ERBIN: variants seen among roughly 807,000 people sequenced by gnomAD.
ERBIN encodes the protein densin-180-like protein.
A neutral mutation model predicts 158.4 loss-of-function variants in ERBIN; 60 were observed. That is an observed-to-expected ratio of 0.38 (90% CI 0.31 to 0.47). The LOEUF (loss-of-function observed/expected upper bound fraction) is 0.47, where lower values mean the gene tolerates loss of function less well. Among genes scored for constraint, ERBIN ranks in the 20% least tolerant of loss-of-function variants. The probability of loss-of-function intolerance (pLI) is 0.99; values close to 1 mark genes in which losing one functional copy is unlikely to be tolerated. For synonymous variants in ERBIN, 594 were observed against 557.2 expected, an observed-to-expected ratio of 1.07 and a Z score of -0.93; for missense variants, 1,610 against 1,648.0, an observed-to-expected ratio of 0.98 and a Z score of 0.40.
At position 65,960,963 on chromosome 5, in the gene ERBIN, T is replaced by C. The variant is rs74976722; in HGVS notation, c.-57-27672T>C. On this transcript the variant is annotated intron_variant, in intron 1 of 25. Coordinates refer to ENST00000284037, the MANE Select transcript of ERBIN (RefSeq NM_001253697.2). ...ATTCATTTTGACAACGAAAATGTTA[T>C]CATGTATTTTCAAAATGACTCTTTT... Among the ~76,000 whole-genome samples the C allele has an allele frequency of 6.7e-3, 1,028 of 152,330 alleles. 17 individuals are homozygous for C. The highest frequency in any genetic ancestry group is 0.023 in the African/African-American group (957 of 41,574).
At chr5:65,952,956 CA>C (rs911336497) in intron 1 of ERBIN, among the ~76,000 whole-genome samples, 2 of 151,438 alleles carry the variant, frequency 1.3e-5, no homozygotes, top group East Asian at 1.9e-4. Context: ...AAGAACTTGC[CA>C]AAAAAAAAGT....
At chr5:65,971,797 A>G (rs991257202) in intron 1 of ERBIN, among the ~76,000 whole-genome samples, 6 of 152,168 alleles carry the variant, frequency 3.9e-5, no homozygotes, top group Admixed American at 3.9e-4. Context: ...TCCCACTTAC[A>G]TATCCTGGGG....
intron 4 of ERBIN, among the ~76,000 whole-genome samples, chr5:66,007,145 T>C (rs1344791651): frequency 6.6e-6 from 1 of 152,168 alleles, no homozygotes; most frequent in East Asian, 1.9e-4. Flanking sequence ...AACGCAAATG[T>C]CCAACAATGA....
intron 21 of ERBIN, among the ~76,000 whole-genome samples, chr5:66,067,636 C>T (rs1161070593): frequency 6.6e-6 from 1 of 152,168 alleles, no homozygotes; most frequent in African/African-American, 2.4e-5. Context: ...CAAATTTAAG[C>T]AGCAAAGGCC....
intron 1 of ERBIN, among the ~76,000 whole-genome samples, chr5:65,934,050 C>T (rs1743775237): frequency 6.6e-6 from 1 of 152,110 alleles, no homozygotes; most frequent in Admixed American, 6.5e-5. Context: ...ACGCCCGCCA[C>T]CACGCCTGGC....
Position 66,046,424 on chromosome 5 carries a change from A to G in ERBIN, c.1674A>G (p.Val558=), listed in dbSNP as rs569933160. The G allele has an allele frequency of 7.6e-5, 122 of 1,612,160 alleles. 2 individuals are homozygous for G. In the South Asian group the frequency reaches 1.3e-3, roughly 17 times the overall value. Residue 558 remains valine, a synonymous_variant, in exon 18 of 26, where the codon GTA becomes GTG. Transcript: ENST00000284037. ...AAAAATATATGATAGGAAACTCTGTACAGAAGATCAGTGAACCTGAAGCTG... is the reference window on the plus strand; with the variant it reads ...AAAAATATATGATAGGAAACTCTGTGCAGAAGATCAGTGAACCTGAAGCTG... ...EREKYMIGNS[V]QKISEPEAEI... is the part of the protein sequence containing the mutation.
chr5:66,043,701 T>A (rs1443080174), intron 16 of ERBIN, among the ~76,000 whole-genome samples: 1 of 152,170 alleles, frequency 6.6e-6, no homozygotes, highest in Non-Finnish European at 1.5e-5. Flanking sequence ...TGTAATTATT[T>A]GCCCCTTATA....
At chr5:65,995,010 A>G in intron 4 of ERBIN, 146 bp downstream of exon 4, 2 of 592,068 alleles carry the variant, frequency 3.4e-6, no homozygotes, top group Non-Finnish European at 5.9e-6. Context: ...TTTTATGTAA[A>G]GATAGTTGCC....
At chr5:65,954,280 A>T (rs16894583) in intron 1 of ERBIN, among the ~76,000 whole-genome samples, 6,109 of 152,220 alleles carry the variant, frequency 0.04, 417 homozygotes, top group African/African-American at 0.14. Flanking sequence ...CTGAGCTGCA[A>T]CTCCGGTTTC....
In ERBIN at chr5:66,054,718, A is replaced by G. The variant is rs1759422081; in HGVS notation, c.3400A>G (p.Ile1134Val). Residue 1134 changes from isoleucine to valine, a missense_variant, in exon 21 of 26, where the codon ATA (isoleucine) becomes GTA (valine). By Grantham distance (29) the Ile-to-Val change is conservative (BLOSUM62 3). This residue lies in a region of ERBIN where 1,014 missense variants were observed against 936.1 expected (regional missense o/e 1.08). Transcript: ENST00000284037. ...ACCCCTTTCTGCACGAACATACAGC[A>G]TAGATGGTCCAAATGCATCAAGACC... is the stretch of plus-strand genomic sequence containing the variant. Reference protein sequence around the residue: ...QRPLSARTYSIDGPNASRPQS... With the variant: ...QRPLSARTYSVDGPNASRPQS... 1 of 1,614,172 alleles carries G rather than the reference A, an allele frequency of 6.2e-7. No individual in the cohort carries two copies. The highest frequency in any genetic ancestry group is 8.5e-7 in the Non-Finnish European group (1 of 1,180,004).
At chr5:65,940,476 T>C (rs959258780) in intron 1 of ERBIN, among the ~76,000 whole-genome samples, 25 of 18,478 alleles carry the variant, frequency 1.4e-3, no homozygotes, top group Admixed American at 2.6e-3. Flanking sequence ...GGGGGGTCAG[T>C]CCCCCCCCCC....
At chr5:66,003,978 T>G (rs7711350) in intron 4 of ERBIN, among the ~76,000 whole-genome samples, 5,631 of 147,120 alleles carry the variant, frequency 0.038, 376 homozygotes, top group African/African-American at 0.14. Context: ...TCTGTTTGTT[T>G]CCCAGGCTGG....
intron 1 of ERBIN, among the ~76,000 whole-genome samples, chr5:65,932,759 CAG>C (rs1743596348): frequency 6.6e-6 from 1 of 152,116 alleles, no homozygotes; most frequent in Non-Finnish European, 1.5e-5. Flanking sequence ...GTTTTTGGAA[CAG>C]AGTTTCTAAG....
At chr5:66,047,933 A>G (rs1008700255) in intron 18 of ERBIN, among the ~76,000 whole-genome samples, 1 of 151,966 alleles carries the variant, frequency 6.6e-6, no homozygotes, top group Non-Finnish European at 1.5e-5. Flanking sequence ...GCAAATATAT[A>G]TAATTAAGGA....
At chr5:65,993,207 T>A (rs1297566067) in intron 3 of ERBIN, among the ~76,000 whole-genome samples, 1 of 152,202 alleles carries the variant, frequency 6.6e-6, no homozygotes, top group Non-Finnish European at 1.5e-5. Context: ...GTCAGTAGAT[T>A]TAACTAGAGC....
intron 23 of ERBIN, 144 bp downstream of exon 23, chr5:66,075,374 C>T (rs957086660): frequency 8.5e-6 from 6 of 705,078 alleles, no homozygotes; most frequent in African/African-American, 3.6e-5. Context: ...GTTTATAAGG[C>T]GTTAAACTTG....
chr5:65,949,732 C>G (rs1746270455), intron 1 of ERBIN, among the ~76,000 whole-genome samples: 1 of 152,204 alleles, frequency 6.6e-6, no homozygotes, highest in Non-Finnish European at 1.5e-5. Flanking sequence ...ATTAATTAAA[C>G]TACAGAGTTT....
intron 4 of ERBIN, among the ~76,000 whole-genome samples, chr5:66,007,279 T>C (rs892426507): frequency 7.9e-5 from 12 of 152,108 alleles, no homozygotes; most frequent in African/African-American, 2.9e-4. Flanking sequence ...CTCAGAAAAC[T>C]ATCACAGGGA....
chr5:65,977,254 C>G (rs1480010096), intron 1 of ERBIN, among the ~76,000 whole-genome samples: 1 of 151,228 alleles, frequency 6.6e-6, no homozygotes, highest in African/African-American at 2.4e-5. Context: ...GGCTGACCCC[C>G]CCACCTCCCT....
Sources: gnomAD v4.1 joint callset for allele counts (sites outside exome capture counted in the v4.1 genomes callset) on GRCh38, gnomAD v4.1.1 for gene constraint, gnomAD v4.1.1 regional missense constraint, MANE v1.5 for transcripts, NCBI Gene and HGNC (gene_info 2026-07-23, HGNC 2026-07-21) for gene names.